Variants in TRAPPC9 observed in about 807,000 individuals in gnomAD.
The protein encoded by TRAPPC9 is trafficking protein particle complex subunit 9.
TRAPPC9 carries 83 observed loss-of-function variants against 124.0 expected under a neutral mutation model. The ratio of observed to expected loss-of-function variants is 0.67; its 90% confidence interval spans 0.56 to 0.80. The LOEUF is 0.80. TRAPPC9 is among the 30% of genes least tolerant of loss of function. The pLI is 0.00. For synonymous variants in TRAPPC9, 638 were observed against 617.5 expected (o/e 1.03, Z -0.49); for missense variants, 1,302 against 1,508.3 (o/e 0.86, Z 2.27).
Position 139,730,921 on chromosome 8 carries a change from CAGG to C in TRAPPC9, c.*137_*139del, listed in dbSNP as rs1246196731. 20 of 933,968 alleles carry C rather than the reference CAGG, an allele frequency of 2.1e-5. No individual in the cohort carries two copies. The highest frequency in any genetic ancestry group is 6.8e-4 in the Middle Eastern group (2 of 2,958). 57.9% of individuals were successfully genotyped at this position (933,968 alleles called of 1,614,324 possible). ...CCCAGCAAAGATGCTACAGGAGGAA[CAGG>C]AGGAGAGGGCTGGGAGGGGTCTGGG... is the stretch of plus-strand genomic sequence containing the variant. On this transcript the variant is annotated 3_prime_UTR_variant, in exon 23 of 23. Coordinates refer to ENST00000438773, the MANE Select transcript of TRAPPC9 (RefSeq NM_001160372.4).
chr8:140,039,900 G>A (rs1461848235), intron 17 of TRAPPC9: 1 of 152,166 alleles, frequency 6.6e-6, no homozygotes, highest in Admixed American at 6.5e-5. Flanking sequence ...ATTACATGGT[G>A]AGCATGTTCT....
intron 21 of TRAPPC9, among the ~76,000 whole-genome samples, chr8:139,802,227 A>G (rs1260483175): frequency 6.6e-6 from 1 of 152,160 alleles, no homozygotes; most frequent in Non-Finnish European, 1.5e-5. Context: ...TGGAGTGAAG[A>G]CTGCCCACCT....
intron 21 of TRAPPC9, among the ~76,000 whole-genome samples, chr8:139,874,639 C>G (rs1829203544): frequency 2.0e-5 from 3 of 152,214 alleles, no homozygotes; most frequent in Non-Finnish European, 4.4e-5. Context: ...GGACAAGCAA[C>G]TGCAGCTGAG....
intron 21 of TRAPPC9, among the ~76,000 whole-genome samples, chr8:139,734,047 A>G (rs772076012): frequency 1.3e-5 from 2 of 152,222 alleles, no homozygotes; most frequent in Non-Finnish European, 2.9e-5. Context: ...CCTGAAGAGG[A>G]TGGGGGCAGA....
intron 19 of TRAPPC9, chr8:139,932,529 G>A (rs147313773): frequency 6.8e-5 from 31 of 455,756 alleles, no homozygotes; most frequent in Middle Eastern, 1.1e-3. Flanking sequence ...TTGGAAGGCC[G>A]AGGCAGGTGG....
At chr8:140,153,880 T>C (rs979779096) in intron 17 of TRAPPC9, among the ~76,000 whole-genome samples, 2 of 152,210 alleles carry the variant, frequency 1.3e-5, no homozygotes, top group Admixed American at 6.5e-5. Context: ...ACATACCCCA[T>C]GCTCTAACTG....
At chr8:140,152,197 CTA>C (rs1052296268) in intron 17 of TRAPPC9, among the ~76,000 whole-genome samples, 12 of 132,136 alleles carry the variant, frequency 9.1e-5, no homozygotes, top group Non-Finnish European at 1.7e-4. Flanking sequence ...ATTAAGTTAA[CTA>C]TGTGCATGAA....
chr8:140,206,137 A>G (rs187882582), intron 17 of TRAPPC9, among the ~76,000 whole-genome samples: 1 of 152,382 alleles, frequency 6.6e-6, no homozygotes, highest in East Asian at 1.9e-4. Flanking sequence ...ATTAACAAAG[A>G]AAGAAAGAAA....
At chr8:140,397,444 A>G (rs1563997545) in intron 7 of TRAPPC9, among the ~76,000 whole-genome samples, 176 bp downstream of exon 7, 1 of 152,242 alleles carries the variant, frequency 6.6e-6, no homozygotes, top group Non-Finnish European at 1.5e-5. Context: ...GTTAAATACC[A>G]CAATGAAAGA....
intron 17 of TRAPPC9, among the ~76,000 whole-genome samples, chr8:140,053,362 G>C (rs924472353): frequency 6.6e-6 from 1 of 152,194 alleles, no homozygotes; most frequent in African/African-American, 2.4e-5. Flanking sequence ...ACACATTTGT[G>C]AATTTTCCAG....
chr8:140,135,903 C>T (rs1244593457), intron 17 of TRAPPC9, among the ~76,000 whole-genome samples: 2 of 152,172 alleles, frequency 1.3e-5, no homozygotes, highest in Non-Finnish European at 2.9e-5. Flanking sequence ...GGGAGCCTGG[C>T]TTTCCTTCTA....
At chr8:140,135,784 C>G (rs138027213) in intron 17 of TRAPPC9, among the ~76,000 whole-genome samples, 1 of 152,166 alleles carries the variant, frequency 6.6e-6, no homozygotes, top group African/African-American at 2.4e-5. Context: ...AAATTACATA[C>G]AAATGTCGCA....
At chr8:140,393,143 C>T (rs916961073) in intron 7 of TRAPPC9, among the ~76,000 whole-genome samples, 21 of 151,646 alleles carry the variant, frequency 1.4e-4, no homozygotes, top group African/African-American at 4.6e-4. Context: ...GCCATCTCGG[C>T]GCACTGCAAC....
intron 11 of TRAPPC9, among the ~76,000 whole-genome samples, chr8:140,294,850 A>AT (rs1485371256): frequency 6.6e-6 from 1 of 152,078 alleles, no homozygotes; most frequent in East Asian, 1.9e-4. Context: ...ACCTCAACTA[A>AT]TCCCCCCCAC....
chr8:140,188,417 C>T (rs1587883878), intron 17 of TRAPPC9, among the ~76,000 whole-genome samples: 1 of 152,240 alleles, frequency 6.6e-6, no homozygotes, highest in East Asian at 1.9e-4. Flanking sequence ...CATCTCCCTC[C>T]TCTGAACTCC....
chr8:139,947,894 G>GTGTGTATATATATATATATATATA lies in TRAPPC9; in HGVS notation c.2811-37595_2811-37594insTATATATATATATATATATACACA, dbSNP rs1554678277. On this transcript the variant is annotated intron_variant, in intron 19 of 22. Transcript: ENST00000438773. ...AAAAAAAAAAAAAAGAAATATGTGT[G>GTGTGTATATATATATATATATATA]TATATATATATATAGAGAGAGAGAG... Among the ~76,000 whole-genome samples, 50 of 65,762 alleles carry GTGTGTATATATATATATATATATA rather than the reference G, an allele frequency of 7.6e-4. 3 individuals carry two copies. Among genetic ancestry groups the GTGTGTATATATATATATATATATA allele is most frequent in the Non-Finnish European group, 1.0e-3 (34 of 33,816 alleles). 43.1% of individuals were successfully genotyped at this position (65,762 alleles called of 152,430 possible).
intron 21 of TRAPPC9, among the ~76,000 whole-genome samples, chr8:139,811,842 A>AT (rs1407797340): frequency 1.3e-5 from 2 of 152,124 alleles, no homozygotes; most frequent in African/African-American, 4.8e-5. Flanking sequence ...TTTCAAAAAC[A>AT]TTTTTTTCCT....
At chr8:140,294,858 C>T (rs563636290) in intron 11 of TRAPPC9, among the ~76,000 whole-genome samples, 4 of 152,264 alleles carry the variant, frequency 2.6e-5, no homozygotes, top group Admixed American at 6.5e-5. Context: ...TAATCCCCCC[C>T]ACCTTGGCCT....
At chr8:139,869,546 A>T (rs1323940569) in intron 21 of TRAPPC9, among the ~76,000 whole-genome samples, 1 of 152,242 alleles carries the variant, frequency 6.6e-6, no homozygotes, top group Admixed American at 6.5e-5. Flanking sequence ...CAAATAAGAA[A>T]GGATCTTAAA....
Sources: allele counts gnomAD v4.1 joint callset (sites outside exome capture counted in the v4.1 genomes callset), GRCh38; gene constraint gnomAD v4.1.1; transcripts MANE v1.5; gene names NCBI Gene and HGNC (gene_info 2026-07-23, HGNC 2026-07-21).